The following GRID2 variants were observed in gnomAD, a reference collection of about 807,000 sequenced individuals.
The protein encoded by GRID2 is glutamate receptor ionotropic, delta-2.
GRID2 carries 33 observed loss-of-function variants against 114.8 expected under a neutral mutation model. That is an observed-to-expected ratio of 0.29 (90% CI 0.22 to 0.38). GRID2 has a LOEUF of 0.38. Among genes scored for constraint, GRID2 ranks in the 10% least tolerant of loss-of-function variants. The pLI, the probability that GRID2 is intolerant of heterozygous loss-of-function variation, is 1.00. For synonymous variants in GRID2, 505 were observed against 449.9 expected (o/e 1.12, Z -1.55); for missense variants, 1,184 against 1,257.7 (o/e 0.94, Z 0.89).
intron 14 of GRID2, among the ~76,000 whole-genome samples, chr4:93,696,353 T>A (rs1280303453): frequency 6.6e-6 from 1 of 152,218 alleles, no homozygotes. Context: ...AATCAACTGC[T>A]CAATTTAACA....
chr4:93,726,592 C>A (rs529454382), intron 14 of GRID2, among the ~76,000 whole-genome samples: 25 of 152,226 alleles, frequency 1.6e-4, no homozygotes, highest in East Asian at 5.8e-4. Flanking sequence ...GCCATTTTCA[C>A]GATATTGATT....
chr4:92,762,377 T>G (rs556125911), intron 2 of GRID2, among the ~76,000 whole-genome samples: 3 of 152,052 alleles, frequency 2.0e-5, no homozygotes, highest in Non-Finnish European at 4.4e-5. Context: ...TAGAGTCAAA[T>G]GAATACTCCT....
At chr4:93,380,898 G>A (rs373485201) in intron 8 of GRID2, among the ~76,000 whole-genome samples, 6 of 151,996 alleles carry the variant, frequency 3.9e-5, no homozygotes, top group East Asian at 1.9e-4. Flanking sequence ...TCTACATGGC[G>A]CTCACTGGGA....
rs1292431316 is a variant in GRID2, at chr4:92,700,068, C to A, written c.244+109782C>A. Among the ~76,000 whole-genome samples, 3 of 152,270 alleles carry A rather than the reference C, an allele frequency of 2.0e-5. No individual in the cohort carries two copies. In the East Asian group the frequency reaches 5.8e-4, roughly 29 times the overall value. On this transcript the variant is annotated intron_variant, in intron 2 of 15. Transcript: ENST00000282020. ...AGCCAGGACCTGAGGTTTTTGGTGA[C>A]TATCAGGTCTTTTAGTGTAAAAAAT...
At chr4:93,734,146 C>A (rs1730725588) in intron 14 of GRID2, among the ~76,000 whole-genome samples, 1 of 152,024 alleles carries the variant, frequency 6.6e-6, no homozygotes, top group South Asian at 2.1e-4. Flanking sequence ...GATAAAAGTT[C>A]TCCCTCAGAG....
intron 8 of GRID2, among the ~76,000 whole-genome samples, chr4:93,323,871 T>C (rs986654343): frequency 7.9e-5 from 12 of 152,196 alleles, no homozygotes; most frequent in African/African-American, 2.7e-4. Context: ...TGTATAAGAA[T>C]GCTTGGGATT....
chr4:93,045,780 T>C (rs188320103), intron 2 of GRID2, among the ~76,000 whole-genome samples: 3 of 152,254 alleles, frequency 2.0e-5, no homozygotes, highest in Admixed American at 6.6e-5. Context: ...TACGAAACTT[T>C]ATTCTCTCAC....
intron 11 of GRID2, among the ~76,000 whole-genome samples, chr4:93,477,554 A>T (rs955719661): frequency 6.6e-6 from 1 of 152,164 alleles, no homozygotes; most frequent in Admixed American, 6.6e-5. Context: ...TAAAACAGAT[A>T]AAAGAACTTC....
chr4:93,066,273 C>T (rs1219347129), intron 2 of GRID2, among the ~76,000 whole-genome samples: 1 of 151,932 alleles, frequency 6.6e-6, no homozygotes. Context: ...AAAAGTAACA[C>T]AGTAATTTCA....
intron 9 of GRID2, among the ~76,000 whole-genome samples, chr4:93,406,323 A>G (rs528175115): frequency 6.6e-6 from 1 of 152,202 alleles, no homozygotes; most frequent in African/African-American, 2.4e-5. Flanking sequence ...GGCAGTTTCC[A>G]TACTGGAGAC....
chr4:93,190,708 T>C (rs1740896362), intron 4 of GRID2, among the ~76,000 whole-genome samples: 1 of 152,072 alleles, frequency 6.6e-6, no homozygotes, highest in African/African-American at 2.4e-5. Flanking sequence ...CAATATGACC[T>C]ACGCTATTTC....
At chr4:92,828,018 C>T (rs1741847144) in intron 2 of GRID2, among the ~76,000 whole-genome samples, 1 of 151,982 alleles carries the variant, frequency 6.6e-6, no homozygotes, top group Non-Finnish European at 1.5e-5. Context: ...ATTCCTATTG[C>T]AGATTCAGTT....
rs1315486413 is a variant in GRID2, at chr4:93,376,874, C to T, written c.1246-18733C>T. ...GGAAAAATAACTAATGCATACTGGG[C>T]TTAATACCTGGGTGATGGGTTGATA... On this transcript the variant is annotated intron_variant, in intron 8 of 15. Coordinates refer to ENST00000282020, the MANE Select transcript of GRID2 (RefSeq NM_001510.4). Among the ~76,000 whole-genome samples the T allele has an allele frequency of 3.3e-5, 5 of 152,152 alleles. No homozygotes were observed. In the South Asian group the frequency reaches 8.3e-4, roughly 25 times the overall value.
rs1370933314 is a variant in GRID2 at position 92,946,144 on chromosome 4, A to T, written c.245-138851A>T. Among the ~76,000 whole-genome samples the T allele has an allele frequency of 2.0e-5, 3 of 152,140 alleles. No individual in the cohort carries two copies. The South Asian group carries it at 6.2e-4, about 32-fold the overall frequency. Reference sequence around the variant, plus strand: ...ATTCTTCAACCGCTGTTTCCTTAAAATGATTCATTGACACAAAAAATGGCA... The same window carrying T: ...ATTCTTCAACCGCTGTTTCCTTAAATTGATTCATTGACACAAAAAATGGCA... On this transcript the variant is annotated intron_variant, in intron 2 of 15. Transcript: ENST00000282020.
intron 1 of GRID2, among the ~76,000 whole-genome samples, chr4:92,562,868 C>A (rs1727163699): frequency 6.6e-6 from 1 of 152,108 alleles, no homozygotes; most frequent in Non-Finnish European, 1.5e-5. Flanking sequence ...TGGCAGAGTG[C>A]CCTGATGCTA....
At chr4:92,764,550 A>T (rs1349297689) in intron 2 of GRID2, among the ~76,000 whole-genome samples, 2 of 152,208 alleles carry the variant, frequency 1.3e-5, no homozygotes, top group African/African-American at 4.8e-5. Context: ...ACTTCTTCAC[A>T]GGAGCCCTCT....
intron 4 of GRID2, among the ~76,000 whole-genome samples, chr4:93,134,132 G>C (rs1370588715): frequency 1.3e-5 from 2 of 152,030 alleles, no homozygotes; most frequent in African/African-American, 4.8e-5. Flanking sequence ...GACTTCTTAG[G>C]CTGGAAGTCA....
intron 2 of GRID2, among the ~76,000 whole-genome samples, chr4:92,715,710 T>C (rs1735512108): frequency 2.6e-5 from 4 of 152,142 alleles, no homozygotes; most frequent in Admixed American, 6.5e-5. Flanking sequence ...ATTTATTCAC[T>C]ATCACAAGAA....
intron 1 of GRID2, among the ~76,000 whole-genome samples, chr4:92,435,533 C>A (rs1028463260): frequency 6.6e-5 from 10 of 152,170 alleles, no homozygotes; most frequent in African/African-American, 2.4e-4. Flanking sequence ...GAGACCCTGT[C>A]TGGAATACAA....
Sources: allele counts gnomAD v4.1 joint callset (sites outside exome capture counted in the v4.1 genomes callset), GRCh38; gene constraint gnomAD v4.1.1; transcripts MANE v1.5; gene names NCBI Gene and HGNC (gene_info 2026-07-23, HGNC 2026-07-21).